The following KLF12 variants were observed in gnomAD, a reference collection of about 807,000 sequenced individuals.
KLF12 encodes Krueppel-like factor 12.
Under a neutral mutation model 37.8 loss-of-function variants are expected in KLF12, and 9 were observed. The ratio of observed to expected loss-of-function variants is 0.24; its 90% CI spans 0.14 to 0.42. KLF12 has a LOEUF of 0.42. Among genes scored for constraint, KLF12 ranks in the 10% least tolerant of loss-of-function variants. The pLI is 1.00. For missense variants in KLF12, 411 were observed against 516.0 expected, an observed-to-expected ratio of 0.80 and a Z score of 1.97; for synonymous variants, 208 against 202.1, an observed-to-expected ratio of 1.03 and a Z score of -0.25.
intron 6 of KLF12, among the ~76,000 whole-genome samples, chr13:73,754,749 G>A (rs551415878): frequency 4.6e-5 from 7 of 152,294 alleles, no homozygotes; most frequent in Admixed American, 3.9e-4. Flanking sequence ...AATGGGGAGT[G>A]AAGGGAGATG....
intron 6 of KLF12, among the ~76,000 whole-genome samples, chr13:73,760,526 GT>G (rs200135223): frequency 0.015 from 2,228 of 152,120 alleles, 41 homozygotes; most frequent in African/African-American, 0.047. Flanking sequence ...GTCTCACTAT[GT>G]TGCCCAGCTG....
At chr13:73,933,572 C>T (rs912111178) in intron 3 of KLF12, among the ~76,000 whole-genome samples, 4 of 152,126 alleles carry the variant, frequency 2.6e-5, no homozygotes, top group African/African-American at 7.2e-5. Flanking sequence ...ACCTTTCATA[C>T]GAAACTTCTT....
the KLF12 span, among the ~76,000 whole-genome samples, chr13:74,287,377 A>AGAGAGAGAGAGAGAGAGG: frequency 2.0e-5 from 3 of 151,412 alleles, no homozygotes; most frequent in African/African-American, 7.3e-5. Flanking sequence ...AGAGAGAGAG[A>AGAGAGAGAGAGAGAGAGG]GAGAGAGAGA....
At chr13:73,983,892 T>G (rs1206397248) in intron 2 of KLF12, among the ~76,000 whole-genome samples, 1 of 152,188 alleles carries the variant, frequency 6.6e-6, no homozygotes, top group African/African-American at 2.4e-5. Context: ...CTCAGAGTCG[T>G]GCAGAATTCA....
chr13:73,717,411 T>C (rs1402416295), intron 6 of KLF12, among the ~76,000 whole-genome samples: 1 of 152,230 alleles, frequency 6.6e-6, no homozygotes, highest in East Asian at 1.9e-4. Flanking sequence ...CCAGTGAATA[T>C]TCATTGCCAT....
chr13:74,196,896 T>C, the KLF12 span, among the ~76,000 whole-genome samples: 1 of 152,228 alleles, frequency 6.6e-6, no homozygotes, highest in South Asian at 2.1e-4. Context: ...TCTTTTTTAT[T>C]AAGTTAGTTT....
intron 6 of KLF12, among the ~76,000 whole-genome samples, chr13:73,761,519 A>C (rs1879546967): frequency 6.6e-6 from 1 of 152,004 alleles, no homozygotes; most frequent in African/African-American, 2.4e-5. Flanking sequence ...TCTCCCGCTT[A>C]TTTACCTTCC....
chr13:74,128,560 T>C (rs1301155539), intron 1 of KLF12, among the ~76,000 whole-genome samples: 1 of 152,208 alleles, frequency 6.6e-6, no homozygotes, highest in Non-Finnish European at 1.5e-5. Context: ...CATCCATAGT[T>C]AGCAAGCAAG....
intron 4 of KLF12, among the ~76,000 whole-genome samples, chr13:73,815,227 T>C (rs1180376887): frequency 6.6e-6 from 1 of 152,172 alleles, no homozygotes; most frequent in East Asian, 1.9e-4. Flanking sequence ...GGAGAAACTG[T>C]AGGGCAAAGC....
At chr13:73,713,808 G>A (rs539227357) in intron 7 of KLF12, among the ~76,000 whole-genome samples, 8 of 152,292 alleles carry the variant, frequency 5.3e-5, no homozygotes, top group Middle Eastern at 6.8e-3. Flanking sequence ...TGGGTAAGAG[G>A]AGTGGAGGTG....
the KLF12 span, among the ~76,000 whole-genome samples, chr13:74,217,712 G>A: frequency 3.9e-5 from 6 of 152,222 alleles, no homozygotes; most frequent in Non-Finnish European, 8.8e-5. Flanking sequence ...GGGCGACAGA[G>A]TGAGACTCCG....
At chr13:74,174,612 C>T in the KLF12 span, among the ~76,000 whole-genome samples, 1 of 152,086 alleles carries the variant, frequency 6.6e-6, no homozygotes, top group Non-Finnish European at 1.5e-5. Context: ...CCTGCCACTG[C>T]CCCTAAGCCC....
the KLF12 span, among the ~76,000 whole-genome samples, chr13:74,168,660 A>G: frequency 2.6e-5 from 4 of 152,216 alleles, no homozygotes; most frequent in Non-Finnish European, 1.5e-5. Context: ...GCAATTTAAA[A>G]TGAGGCATGC....
Position 73,791,787 on chromosome 13 carries a change from T to C in KLF12, c.806+21365A>G, listed in dbSNP as rs367846792. Among the ~76,000 whole-genome samples the C allele has an allele frequency of 4.6e-5, 7 of 152,202 alleles. No individual in the cohort carries two copies. The East Asian group carries it at 7.7e-4, about 17-fold the overall frequency. ...GAAAGAAATACAATATTCAGTCCTA[T>C]TGTCAGATCAAATGTCATGGCTATT... is the stretch of plus-strand genomic sequence containing the variant. On this transcript the variant is annotated intron_variant, in intron 5 of 7. Transcript: ENST00000377669.
chr13:74,071,977 C>G (rs897750828), intron 1 of KLF12, among the ~76,000 whole-genome samples: 6 of 152,052 alleles, frequency 3.9e-5, no homozygotes, highest in South Asian at 4.1e-4. Flanking sequence ...CCCAACCCCC[C>G]CACCTGAACA....
At chr13:73,986,233 G>GT (rs1021457927) in intron 2 of KLF12, among the ~76,000 whole-genome samples, 1 of 152,090 alleles carries the variant, frequency 6.6e-6, no homozygotes, top group African/African-American at 2.4e-5. Flanking sequence ...GTGAAACTGT[G>GT]GTAAACAATC....
chr13:73,764,519 A>AAC (rs1276578920), intron 6 of KLF12, among the ~76,000 whole-genome samples: 2 of 137,200 alleles, frequency 1.5e-5, no homozygotes, highest in Non-Finnish European at 3.3e-5. Flanking sequence ...TATGGCAAGG[A>AAC]AAAAAAAAAT....
chr13:73,760,556 C>A (rs1879484101), intron 6 of KLF12, among the ~76,000 whole-genome samples: 1 of 152,120 alleles, frequency 6.6e-6, no homozygotes, highest in Non-Finnish European at 1.5e-5. Context: ...CTCCTGGGCT[C>A]AGGCAATTCT....
At chr13:73,790,215 A>G (rs1881606109) in intron 5 of KLF12, among the ~76,000 whole-genome samples, 1 of 152,246 alleles carries the variant, frequency 6.6e-6, no homozygotes, top group Non-Finnish European at 1.5e-5. Flanking sequence ...TTCCAAAAAC[A>G]GGTTGCAAAT....
Sources: gnomAD v4.1 joint callset for allele counts (sites outside exome capture counted in the v4.1 genomes callset) on GRCh38, gnomAD v4.1.1 for gene constraint, MANE v1.5 for transcripts, NCBI Gene and HGNC (gene_info 2026-07-23, HGNC 2026-07-21) for gene names.